Variants in BIN3 observed in about 807,000 individuals in gnomAD.
The protein encoded by BIN3 is bridging integrator 3.
BIN3 carries 41 observed loss-of-function variants against 38.2 expected under a neutral mutation model. The ratio of observed to expected loss-of-function variants is 1.07; its 90% CI spans 0.84 to 1.39. The LOEUF is 1.39. Ranked by LOEUF, BIN3 falls within the 40% of genes most tolerant of loss-of-function variation. The pLI is 0.00. For missense variants in BIN3, 361 were observed against 324.3 expected (o/e 1.11, Z -0.87); for synonymous variants, 145 against 122.6 (o/e 1.18, Z -1.21).
intron 8 of BIN3, 58 bp from the exon 9 acceptor site, chr8:22,621,626 G>A (rs1277244935): frequency 2.6e-6 from 4 of 1,550,068 alleles, no homozygotes; most frequent in African/African-American, 1.4e-5. Flanking sequence ...GTGCTTCAGG[G>A]GGCCAGAGGC....
intron 6 of BIN3, chr8:22,624,745 G>A (rs530617269): frequency 1.7e-4 from 37 of 221,762 alleles, no homozygotes; most frequent in Non-Finnish European, 2.7e-4. Context: ...ATCACACAAC[G>A]GACTAGGGGA....
At chr8:22,632,500 A>G (rs1802235562) in intron 4 of BIN3, among the ~76,000 whole-genome samples, 1 of 152,202 alleles carries the variant, frequency 6.6e-6, no homozygotes, top group African/African-American at 2.4e-5. Context: ...AATTCTGTGG[A>G]GTGACTCTGT....
intron 4 of BIN3, among the ~76,000 whole-genome samples, chr8:22,635,130 T>G (rs1802327862): frequency 6.6e-6 from 1 of 152,168 alleles, no homozygotes; most frequent in South Asian, 2.1e-4. Flanking sequence ...CAGGCCCTCT[T>G]CCCTTGGCTC....
chr8:22,641,494 G>A (rs1802558416), intron 2 of BIN3, among the ~76,000 whole-genome samples: 1 of 152,200 alleles, frequency 6.6e-6, no homozygotes, highest in African/African-American at 2.4e-5. Flanking sequence ...CAGGGCTGGG[G>A]CACTGATCCC....
chr8:22,637,057 G>C (rs868488189), intron 2 of BIN3, 95 bp from the exon 3 acceptor site: 1 of 1,128,778 alleles, frequency 8.9e-7, no homozygotes, highest in Non-Finnish European at 1.3e-6. Flanking sequence ...CCCTGCCCCA[G>C]TCCGCAGAAA....
chr8:22,667,608 T>C (rs950455109), intron 1 of BIN3, among the ~76,000 whole-genome samples: 1 of 152,178 alleles, frequency 6.6e-6, no homozygotes, highest in Admixed American at 6.5e-5. Flanking sequence ...AACTGAAGAA[T>C]TGCCGCTTTG....
intron 1 of BIN3, among the ~76,000 whole-genome samples, chr8:22,657,669 C>T (rs1193656767): frequency 6.6e-6 from 1 of 152,180 alleles, no homozygotes; most frequent in African/African-American, 2.4e-5. Context: ...ATTCTCCCTG[C>T]GATGAAATGG....
Position 22,620,418 on chromosome 8 carries a change from T to G in BIN3, c.*1004A>C, listed in dbSNP as rs200106090. On this transcript the variant is annotated 3_prime_UTR_variant, in exon 9 of 9. Transcript: ENST00000276416. The stretch of plus-strand genomic sequence containing the variant: ...TTTGACTTTGTATATAAAGTTGGGG[T>G]TTTTTTTTTTTTTTTTTGGCTTGTT... 10 of 39,792 alleles carry G rather than the reference T, an allele frequency of 2.5e-4. No individual in the cohort carries two copies. Among genetic ancestry groups the G allele is most frequent in the East Asian group, 1.2e-3 (3 of 2,488 alleles). 2.5% of individuals were successfully genotyped at this position (39,792 alleles called of 1,614,324 possible).
intron 4 of BIN3, among the ~76,000 whole-genome samples, 158 bp from the exon 5 acceptor site, chr8:22,630,736 C>A (rs542067788): frequency 1.3e-5 from 2 of 152,226 alleles, no homozygotes; most frequent in Admixed American, 1.3e-4. Flanking sequence ...CAACCACAAG[C>A]TGCTGATCCC....
chr8:22,663,125 C>T (rs774806629), intron 1 of BIN3, among the ~76,000 whole-genome samples: 4 of 150,114 alleles, frequency 2.7e-5, no homozygotes, highest in African/African-American at 4.9e-5. Context: ...TCTCAAAAAA[C>T]GAAAAACCAT....
chr8:22,644,201 C>T (rs980601073), intron 2 of BIN3, among the ~76,000 whole-genome samples: 1 of 152,208 alleles, frequency 6.6e-6, no homozygotes, highest in African/African-American at 2.4e-5. Flanking sequence ...CTTTCCCATT[C>T]TGGAGATAAA....
At chr8:22,656,829 C>T (rs948009167) in intron 1 of BIN3, among the ~76,000 whole-genome samples, 2 of 152,192 alleles carry the variant, frequency 1.3e-5, no homozygotes, top group East Asian at 1.9e-4. Context: ...TTGTGTTGAA[C>T]GGTGTAAACA....
At chr8:22,626,971 G>C (rs1802026116) in intron 6 of BIN3, among the ~76,000 whole-genome samples, 1 of 152,198 alleles carries the variant, frequency 6.6e-6, no homozygotes, top group Admixed American at 6.5e-5. Context: ...TCGGGGGATG[G>C]CGTGGTGGTG....
chr8:22,621,342 AGAG>A lies in BIN3; in HGVS notation c.*77_*79del. ...GGGCCACCTCTGTCCCCAGCCTGTG[AGAG>A]GAGCAGCTAGCCCTGAGAAGGGCAA... is the stretch of plus-strand genomic sequence containing the variant. On this transcript the variant is annotated 3_prime_UTR_variant, in exon 9 of 9. Transcript: ENST00000276416. 1 of 1,507,434 alleles carries A rather than the reference AGAG, an allele frequency of 6.6e-7. No homozygotes were observed. Among genetic ancestry groups the A allele is most frequent in the Non-Finnish European group, 8.9e-7 (1 of 1,121,376 alleles). The allele number at this position is 1,507,434 out of a possible 1,614,324, so 93.4% of individuals were successfully genotyped here. A position where few individuals can be genotyped will look rare whatever the true frequency, so the allele number is the denominator to read the frequency against.
chr8:22,636,820 A>C, intron 3 of BIN3, 102 bp downstream of exon 3: 1 of 1,337,124 alleles, frequency 7.5e-7, no homozygotes, highest in Non-Finnish European at 1.1e-6. Flanking sequence ...CTCAGCTTCC[A>C]GGGTGCTCAC....
intron 1 of BIN3, among the ~76,000 whole-genome samples, chr8:22,667,563 T>C (rs1195437203): frequency 6.6e-6 from 1 of 152,232 alleles, no homozygotes; most frequent in Non-Finnish European, 1.5e-5. Flanking sequence ...GGGCCCAGAA[T>C]GACACTGAAA....
intron 1 of BIN3, among the ~76,000 whole-genome samples, chr8:22,662,167 C>T (rs892067103): frequency 6.6e-5 from 10 of 152,178 alleles, no homozygotes; most frequent in Admixed American, 1.3e-4. Context: ...CTGCACATGA[C>T]GATGCCCCTC....
intron 1 of BIN3, among the ~76,000 whole-genome samples, chr8:22,667,723 C>T (rs1412608247): frequency 6.6e-6 from 1 of 152,194 alleles, no homozygotes; most frequent in African/African-American, 2.4e-5. Flanking sequence ...GCAGAAGCTC[C>T]TGCCGGGGCT....
chr8:22,621,527 C>A lies in BIN3; in HGVS notation c.657G>T (p.Leu219=). ...YSEMHKIFGD[L]SHQLDQPGHS... ...GGCCTGGCTGGTCAAGCTGATGGGA[C>A]AGGTCTCCAAAGATCTTGTGCATTT... The change falls in exon 9 of 9, where the codon CTG becomes CTT. Residue 219 remains leucine (L), a synonymous_variant. Coordinates refer to ENST00000276416, the MANE Select transcript of BIN3 (RefSeq NM_018688.6). 2.5e-6 allele frequency: 4 copies of A among 1,613,892 alleles called. No individual in the cohort carries two copies. The highest frequency in any genetic ancestry group is 3.4e-6 in the Non-Finnish European group (4 of 1,179,888).
Sources: gnomAD v4.1 joint callset for allele counts (sites outside exome capture counted in the v4.1 genomes callset) on GRCh38, gnomAD v4.1.1 for gene constraint, MANE v1.5 for transcripts, NCBI Gene and HGNC (gene_info 2026-07-23, HGNC 2026-07-21) for gene names.